The following EMID1 variants were observed in gnomAD, a reference collection of about 807,000 sequenced individuals.
The protein encoded by EMID1 is EMI domain-containing protein 1.
A neutral mutation model predicts 60.6 loss-of-function variants in EMID1; 40 were observed. The ratio of observed to expected loss-of-function variants is 0.66; its 90% CI spans 0.51 to 0.86. EMID1 has a LOEUF of 0.86. Among genes scored for constraint, EMID1 ranks in the 40% least tolerant of loss-of-function variants. The pLI, the probability that EMID1 is intolerant of heterozygous loss-of-function variation, is 0.00. For synonymous variants in EMID1, 242 were observed against 231.0 expected (o/e 1.05, Z -0.43); for missense variants, 585 against 597.1 (o/e 0.98, Z 0.21).
intron 5 of EMID1, 106 bp from the exon 6 acceptor site, chr22:29,230,914 T>C: frequency 1.4e-6 from 2 of 1,441,076 alleles, no homozygotes; most frequent in Non-Finnish European, 1.9e-6. Context: ...GTCATAGTAC[T>C]ACTGCATTCT....
chr22:29,249,587 ATTATTTAT>A (rs140494856), intron 13 of EMID1, among the ~76,000 whole-genome samples: 50,262 of 139,286 alleles, frequency 0.36, 10,873 homozygotes, highest in Middle Eastern at 0.5. Flanking sequence ...AAATACCTTT[ATTATTTAT>A]TTATTTATTT....
intron 5 of EMID1, among the ~76,000 whole-genome samples, chr22:29,230,519 A>G (rs950235298): frequency 6.6e-6 from 1 of 152,228 alleles, no homozygotes; most frequent in Non-Finnish European, 1.5e-5. Flanking sequence ...TGACTTTTCC[A>G]TAATGCGTGT....
chr22:29,212,775 G>A (rs2039938731), intron 1 of EMID1, among the ~76,000 whole-genome samples: 2 of 152,158 alleles, frequency 1.3e-5, no homozygotes, highest in Non-Finnish European at 2.9e-5. Flanking sequence ...ATGTTGCCCA[G>A]GCTGGTCTCG....
At chr22:29,208,322 G>A (rs1427543663) in intron 1 of EMID1, among the ~76,000 whole-genome samples, 4 of 152,160 alleles carry the variant, frequency 2.6e-5, no homozygotes, top group South Asian at 4.1e-4. Context: ...CCAGGGGGCC[G>A]CCCCTTGCCC....
rs1438554478 is a variant in EMID1 at position 29,226,489 on chromosome 22, G to A, written c.404-1G>A. On this transcript the variant is annotated splice_acceptor_variant, in intron 4 of 14. Transcript: ENST00000334018. LOFTEE classifies it high-confidence loss of function. ...GGCCCCAGCTTCCTCCCTCCCCGCA[G>A]GTTGTCTCAACTGCAGCAAAGTGTC... 6.2e-7 allele frequency: 1 copy of A among 1,611,612 alleles called. No individual in the cohort carries two copies. Among genetic ancestry groups the A allele is most frequent in the Non-Finnish European group, 8.5e-7 (1 of 1,178,840 alleles).
intron 14 of EMID1, chr22:29,255,185 T>TTG: frequency 4.3e-6 from 2 of 469,588 alleles, no homozygotes; most frequent in Non-Finnish European, 4.0e-6. Context: ...CAGCTGGCAG[T>TTG]GCCCTCCCAC....
At chr22:29,228,779 A>T (rs574466448) in intron 5 of EMID1, among the ~76,000 whole-genome samples, 3 of 152,222 alleles carry the variant, frequency 2.0e-5, no homozygotes, top group Admixed American at 2.0e-4. Context: ...AACTTTTTTT[A>T]GAGCTGGGGT....
chr22:29,226,315 G>A (rs183061010), intron 4 of EMID1, 175 bp from the exon 5 acceptor site: 2 of 578,454 alleles, frequency 3.5e-6, no homozygotes, highest in Non-Finnish European at 5.7e-6. Flanking sequence ...CCCATAGGGT[G>A]AGGTCCCCCT....
Position 29,259,302 on chromosome 22 carries a change from G to A in EMID1, c.*358G>A, listed in dbSNP as rs1569015475. Reference sequence around the variant, plus strand: ...GGCACATGCAGAGATGACAGGGCAGGGGGCAGTCTTCCTCCCCCTCCCCGA... The same window carrying A: ...GGCACATGCAGAGATGACAGGGCAGAGGGCAGTCTTCCTCCCCCTCCCCGA... On this transcript the variant is annotated 3_prime_UTR_variant, in exon 15 of 15. Coordinates refer to ENST00000334018, the MANE Select transcript of EMID1 (RefSeq NM_133455.4). The A allele has an allele frequency of 1.1e-5, 3 of 266,886 alleles. No homozygotes were observed. The South Asian group carries it at 1.3e-4, about 12-fold the overall frequency. The allele number at this position is 266,886 out of a possible 1,614,324, so 16.5% of individuals were successfully genotyped here.
intron 13 of EMID1, chr22:29,253,935 C>G: frequency 2.0e-6 from 2 of 985,456 alleles, no homozygotes; most frequent in Non-Finnish European, 2.4e-6. Context: ...TTCAGCGCAG[C>G]AGGATTTGCG....
chr22:29,214,847 G>A (rs185661123), intron 1 of EMID1, 79 bp from the exon 2 acceptor site: 14 of 1,030,484 alleles, frequency 1.4e-5, no homozygotes, highest in African/African-American at 6.4e-5. Flanking sequence ...GAACACGGAC[G>A]TCCTCACCCA....
chr22:29,215,104 G>A lies in EMID1; in HGVS notation c.215+65G>A, dbSNP rs993099044. The A allele has an allele frequency of 2.6e-5, 39 of 1,480,196 alleles. No individual in the cohort carries two copies. The Admixed American group carries it at 7.7e-4, about 29-fold the overall frequency. 91.7% of individuals were successfully genotyped at this position (1,480,196 alleles called of 1,614,324 possible). On this transcript the variant is annotated intron_variant, in intron 2 of 14. Transcript: ENST00000334018. ...GAGGCACAGTTTGGGCAAAGGCCTG[G>A]TTGGGGGACTGCATGGGGAGTGTGG... is the stretch of plus-strand genomic sequence containing the variant.
intron 13 of EMID1, among the ~76,000 whole-genome samples, chr22:29,244,843 A>G (rs2041276300): frequency 6.6e-6 from 1 of 152,128 alleles, no homozygotes; most frequent in Non-Finnish European, 1.5e-5. Context: ...GACATCTGGA[A>G]AATGGACAGA....
At chr22:29,248,706 T>C (rs756747380) in intron 13 of EMID1, among the ~76,000 whole-genome samples, 1 of 152,096 alleles carries the variant, frequency 6.6e-6, no homozygotes, top group African/African-American at 2.4e-5. Context: ...CTGGGTATGA[T>C]GGCATGTGCC....
Position 29,205,941 on chromosome 22 carries a change from C to T in EMID1, c.-98C>T, listed in dbSNP as rs2146056628. The T allele has an allele frequency of 3.0e-6, 2 of 677,324 alleles. No individual in the cohort carries two copies. The highest frequency in any genetic ancestry group is 6.5e-5 in the South Asian group (1 of 15,398). 42.0% of individuals were successfully genotyped at this position (677,324 alleles called of 1,614,324 possible). On this transcript the variant is annotated 5_prime_UTR_variant, in exon 1 of 15. Transcript: ENST00000334018. ...CCGCGGAGCTGGAAACCGGGCTCCG[C>T]GCGTCCGGGGCGGCTGGCGGCGCGG...
intron 13 of EMID1, among the ~76,000 whole-genome samples, chr22:29,249,087 T>C (rs1423174292): frequency 6.6e-6 from 1 of 152,224 alleles, no homozygotes. Context: ...AACATTGCAG[T>C]GTGCACCGTG....
In EMID1 at chr22:29,258,837, G is replaced by A. The variant is rs2041804976; in HGVS notation, c.1225G>A (p.Ala409Thr). 6.2e-7 allele frequency: 1 copy of A among 1,613,172 alleles called. No individual in the cohort carries two copies. Among genetic ancestry groups the A allele is most frequent in the Non-Finnish European group, 8.5e-7 (1 of 1,179,798 alleles). ...GGCAGAACCAGAGCTGGGGTCTGGG[G>A]CGGGCCCTGCCGGCACAGGCACCCC... ...GLYEPELGSG[A>T]GPAGTGTPSL... The change falls in exon 15 of 15, where the codon GCG (alanine) becomes ACG (threonine). Residue 409 changes from alanine to threonine, a missense_variant. Ala to Thr is a moderately conservative substitution (Grantham distance 58). Transcript: ENST00000334018.
intron 1 of EMID1, among the ~76,000 whole-genome samples, chr22:29,214,317 A>T (rs1460456384): frequency 1.3e-5 from 2 of 152,062 alleles, no homozygotes; most frequent in African/African-American, 2.4e-5. Flanking sequence ...ATGGGAAAGG[A>T]TGGAGGGAAT....
intron 14 of EMID1, 38 bp from the exon 15 acceptor site, chr22:29,258,779 C>T: frequency 6.2e-7 from 1 of 1,609,756 alleles, no homozygotes; most frequent in Non-Finnish European, 8.5e-7. Context: ...TCACATGAAC[C>T]CCTCTAATGT....
Sources: allele counts gnomAD v4.1 joint callset (sites outside exome capture counted in the v4.1 genomes callset), GRCh38; gene constraint gnomAD v4.1.1; transcripts MANE v1.5; gene names NCBI Gene and HGNC (gene_info 2026-07-23, HGNC 2026-07-21).